RALYL: variants seen among roughly 807,000 people sequenced by gnomAD.
RALYL encodes the protein RALY RNA binding protein like, also known as RNA-binding Raly-like protein.
Under a neutral mutation model 35.1 loss-of-function variants are expected in RALYL, and 29 were observed. The observed-to-expected ratio is 0.83, with a 90% CI of 0.61 to 1.13. The LOEUF (loss-of-function observed/expected upper bound fraction) is 1.13, where lower values mean the gene tolerates loss of function less well. Among genes scored for constraint, RALYL ranks in the 50% most tolerant of loss-of-function variants. The pLI is 0.00. For missense variants in RALYL, 359 were observed against 360.4 expected, an observed-to-expected ratio of 1.00 and a Z score of 0.03; for synonymous variants, 120 against 127.6, an observed-to-expected ratio of 0.94 and a Z score of 0.40.
intron 6 of RALYL, among the ~76,000 whole-genome samples, chr8:84,872,273 T>A (rs1840326194): frequency 6.6e-6 from 1 of 152,150 alleles, no homozygotes; most frequent in Non-Finnish European, 1.5e-5. Context: ...GTCAAAAGAT[T>A]TAGGATTAAA....
chr8:84,729,489 C>G (rs1272680934), intron 2 of RALYL, among the ~76,000 whole-genome samples: 1 of 151,836 alleles, frequency 6.6e-6, no homozygotes, highest in Non-Finnish European at 1.5e-5. Flanking sequence ...AAAGCAAGAG[C>G]AAACACATTC....
intron 1 of RALYL, among the ~76,000 whole-genome samples, chr8:84,406,999 TCC>T (rs1177707310): frequency 1.1e-4 from 16 of 141,384 alleles, no homozygotes; most frequent in Middle Eastern, 3.7e-3. Flanking sequence ...TCTCTCTCTC[TCC>T]CTCTCTCTCT....
chr8:84,218,200 T>C (rs1294121468), intron 1 of RALYL, among the ~76,000 whole-genome samples: 1 of 152,038 alleles, frequency 6.6e-6, no homozygotes, highest in Non-Finnish European at 1.5e-5. Context: ...CAAGTTAATA[T>C]AGGTGAAATT....
At chr8:84,846,610 C>G (rs1419270769) in intron 4 of RALYL, among the ~76,000 whole-genome samples, 1 of 152,064 alleles carries the variant, frequency 6.6e-6, no homozygotes, top group African/African-American at 2.4e-5. Context: ...TTTTATTTGT[C>G]TGGTAGAATT....
chr8:84,905,379 G>A (rs982852884), intron 8 of RALYL, among the ~76,000 whole-genome samples: 1 of 152,130 alleles, frequency 6.6e-6, no homozygotes, highest in African/African-American at 2.4e-5. Flanking sequence ...GCTGTAATGA[G>A]TGTAAGAGTA....
intron 1 of RALYL, among the ~76,000 whole-genome samples, chr8:84,503,769 G>C (rs538202625): frequency 1.3e-4 from 19 of 150,320 alleles, no homozygotes; most frequent in African/African-American, 4.4e-4. Flanking sequence ...GAATCGGCTT[G>C]ATGATCTCCT....
chr8:84,232,688 A>G (rs985913539), intron 1 of RALYL, among the ~76,000 whole-genome samples: 9 of 152,164 alleles, frequency 5.9e-5, no homozygotes, highest in African/African-American at 2.2e-4. Context: ...ATACTTAAAA[A>G]CAAAACTTCA....
At chr8:84,767,198 C>T (rs1814301451) in intron 2 of RALYL, among the ~76,000 whole-genome samples, 1 of 152,230 alleles carries the variant, frequency 6.6e-6, no homozygotes, top group South Asian at 2.1e-4. Flanking sequence ...GGAATAGCAC[C>T]CGTCTCCATT....
intron 1 of RALYL, among the ~76,000 whole-genome samples, chr8:84,234,375 T>G (rs1306786652): frequency 6.6e-6 from 1 of 152,246 alleles, no homozygotes; most frequent in Non-Finnish European, 1.5e-5. Flanking sequence ...GACATGCTTC[T>G]TTTTCACATC....
intron 2 of RALYL, among the ~76,000 whole-genome samples, chr8:84,556,175 G>A (rs1234034554): frequency 6.6e-6 from 1 of 152,216 alleles, no homozygotes; most frequent in Non-Finnish European, 1.5e-5. Context: ...TACTATTTAA[G>A]TTGCATTTTG....
At chr8:84,827,777 A>C (rs1005282638) in intron 4 of RALYL, among the ~76,000 whole-genome samples, 1 of 152,086 alleles carries the variant, frequency 6.6e-6, no homozygotes, top group Admixed American at 6.5e-5. Context: ...GATAAAAAGA[A>C]AAATTGAAGT....
At chr8:84,268,430 T>C (rs1833715105) in intron 1 of RALYL, among the ~76,000 whole-genome samples, 2 of 152,190 alleles carry the variant, frequency 1.3e-5, no homozygotes, top group Non-Finnish European at 2.9e-5. Context: ...AATTCTAGTG[T>C]TTTCAGGAAA....
chr8:84,237,149 A>G (rs1221229968), intron 1 of RALYL, among the ~76,000 whole-genome samples: 2 of 152,336 alleles, frequency 1.3e-5, no homozygotes, highest in African/African-American at 4.8e-5. Flanking sequence ...GAAATAAGTT[A>G]CAGGAAACCT....
intron 1 of RALYL, among the ~76,000 whole-genome samples, chr8:84,509,083 G>T (rs1039199004): frequency 6.6e-6 from 1 of 152,052 alleles, no homozygotes; most frequent in Non-Finnish European, 1.5e-5. Context: ...TATCAAAAAA[G>T]ATATTCTATT....
intron 1 of RALYL, among the ~76,000 whole-genome samples, chr8:84,367,348 T>G (rs1401363518): frequency 2.1e-4 from 19 of 91,122 alleles, no homozygotes; most frequent in African/African-American, 9.3e-4. Context: ...TTTTTTTTTT[T>G]TTTTTTTTTT....
chr8:84,525,610 T>A (rs1301319343), intron 1 of RALYL, among the ~76,000 whole-genome samples: 1 of 152,110 alleles, frequency 6.6e-6, no homozygotes, highest in African/African-American at 2.4e-5. Context: ...TTTATATATG[T>A]TTAACGGCTT....
At chr8:84,461,169 T>C (rs2133385590) in intron 1 of RALYL, among the ~76,000 whole-genome samples, 1 of 151,766 alleles carries the variant, frequency 6.6e-6, no homozygotes, top group Middle Eastern at 3.4e-3. Context: ...TGAGACTCCA[T>C]TCTTTTAAAT....
chr8:84,471,733 A>G (rs999296318), intron 1 of RALYL, among the ~76,000 whole-genome samples: 5 of 152,232 alleles, frequency 3.3e-5, no homozygotes, highest in African/African-American at 1.2e-4. Context: ...TGTGACCTTG[A>G]CAAATTTCTT....
intron 1 of RALYL, among the ~76,000 whole-genome samples, chr8:84,504,315 A>G (rs2056976459): frequency 6.6e-6 from 1 of 152,108 alleles, no homozygotes; most frequent in African/African-American, 2.4e-5. Flanking sequence ...ATTTTTGTTC[A>G]TATTGAATAC....
Sources: gnomAD v4.1 joint callset for allele counts (sites outside exome capture counted in the v4.1 genomes callset) on GRCh38, gnomAD v4.1.1 for gene constraint, MANE v1.5 for transcripts, NCBI Gene and HGNC (gene_info 2026-07-23, HGNC 2026-07-21) for gene names.